Variants in CHST12 observed in about 807,000 individuals in gnomAD.
CHST12 encodes the protein carbohydrate sulfotransferase 12, also known as carbohydrate (chondroitin 4) sulfotransferase 12.
A neutral mutation model predicts 27.9 loss-of-function variants in CHST12; 23 were observed. The ratio of observed to expected loss-of-function variants is 0.82; its 90% CI spans 0.59 to 1.17. The LOEUF (loss-of-function observed/expected upper bound fraction) is 1.17. Ranked by LOEUF, CHST12 falls within the 50% of genes most tolerant of loss-of-function variation. CHST12 has a pLI of 0.00. For synonymous variants in CHST12, 322 were observed against 273.0 expected (o/e 1.18, Z -1.77); for missense variants, 682 against 603.0 (o/e 1.13, Z -1.37).
chr7:2,416,747 G>C (rs1240918053), intron 1 of CHST12, among the ~76,000 whole-genome samples: 3 of 152,202 alleles, frequency 2.0e-5, no homozygotes, highest in East Asian at 3.8e-4. Context: ...GTAGGCAGGA[G>C]GGGAAGAGGG....
At chr7:2,419,326 TGAG>T (rs1781900561) in intron 1 of CHST12, among the ~76,000 whole-genome samples, 1 of 146,164 alleles carries the variant, frequency 6.8e-6, no homozygotes, top group Non-Finnish European at 1.5e-5. Context: ...GAGGATCACT[TGAG>T]TGGGGAGGTT....
intron 1 of CHST12, among the ~76,000 whole-genome samples, chr7:2,420,827 T>C (rs1423056013): frequency 6.6e-6 from 1 of 152,194 alleles, no homozygotes; most frequent in Non-Finnish European, 1.5e-5. Context: ...TTTGGGTGTA[T>C]ACACAGAAGT....
At chr7:2,422,502 C>G (rs1782004592) in intron 1 of CHST12, among the ~76,000 whole-genome samples, 1 of 152,134 alleles carries the variant, frequency 6.6e-6, no homozygotes, top group Admixed American at 6.6e-5. Flanking sequence ...GCCTCGGCCT[C>G]CCAAGGTTCT....
intron 1 of CHST12, among the ~76,000 whole-genome samples, chr7:2,418,313 G>T (rs922053546): frequency 1.3e-5 from 2 of 152,200 alleles, no homozygotes; most frequent in African/African-American, 2.4e-5. Context: ...ATAATTTTCA[G>T]TGCCATTTAT....
intron 1 of CHST12, among the ~76,000 whole-genome samples, chr7:2,406,379 G>A (rs1039962658): frequency 7.2e-6 from 1 of 139,098 alleles, no homozygotes; most frequent in Admixed American, 7.4e-5. Context: ...TGGGGGCACA[G>A]TTGAGTATGG....
intron 1 of CHST12, among the ~76,000 whole-genome samples, chr7:2,426,864 A>G (rs191938379): frequency 6.6e-6 from 1 of 152,152 alleles, no homozygotes; most frequent in East Asian, 1.9e-4. Flanking sequence ...CAGGGTGGGC[A>G]CCTGTAATCC....
In CHST12 at chr7:2,432,929, T is replaced by C. The variant is rs1159527537; in HGVS notation, c.290T>C (p.Met97Thr). The C allele has an allele frequency of 1.9e-6, 3 of 1,612,696 alleles. No individual in the cohort carries two copies. The highest frequency in any genetic ancestry group is 2.2e-5 in the East Asian group (1 of 44,856). The change falls in exon 2 of 2, where the codon ATG (methionine) becomes ACG (threonine). Residue 97 changes from methionine to threonine, a missense_variant. Transcript: ENST00000618655. ...ETEQPPAPGS[M>T]EESVRGYDWS... ...GAGCAGCCGCCTGCGCCGGGGAGCA[T>C]GGAGGAGAGCGTGAGAGGCTACGAC...
intron 1 of CHST12, among the ~76,000 whole-genome samples, chr7:2,425,109 G>A (rs1782075826): frequency 6.6e-6 from 1 of 151,612 alleles, no homozygotes. Context: ...GGGAGGCTGA[G>A]GCAGAAAATC....
rs762617272 is a variant in CHST12 at position 2,433,113 on chromosome 7, C to A, written c.474C>A (p.Ile158=). ...DIPNSELSHL[I]VDDRHGAIYC... The stretch of plus-strand genomic sequence containing the variant: ...CCAACTCGGAGCTGAGCCACCTGAT[C>A]GTGGACGACCGGCACGGGGCCATCT... Residue 158 remains isoleucine (I), a synonymous_variant, in exon 2 of 2, where the codon ATC becomes ATA. Coordinates refer to ENST00000618655, the MANE Select transcript of CHST12 (RefSeq NM_018641.5). This position sits in a 1 kb window ranked among gnomAD's most constrained non-coding sequence, Gnocchi z 6.1. 4 of 1,612,456 alleles carry A rather than the reference C, an allele frequency of 2.5e-6. No individual in the cohort carries two copies. Among genetic ancestry groups the A allele is most frequent in the Non-Finnish European group, 3.4e-6 (4 of 1,179,418 alleles).
chr7:2,419,968 CTTTTT>C (rs869252983), intron 1 of CHST12, among the ~76,000 whole-genome samples: 6 of 81,384 alleles, frequency 7.4e-5, no homozygotes, highest in Non-Finnish European at 1.1e-4. Context: ...AAATATTTGT[CTTTTT>C]TTTTTTTTTT....
chr7:2,440,796 G>T lies in CHST12; in HGVS notation c.*6912G>T, dbSNP rs1035492970. 6.6e-6 allele frequency: 1 copy of T among 152,222 alleles called. No individual in the cohort carries two copies. The highest frequency in any genetic ancestry group is 2.4e-5 in the African/African-American group (1 of 41,470). 9.4% of individuals were successfully genotyped at this position (152,222 alleles called of 1,614,324 possible). The stretch of plus-strand genomic sequence containing the variant: ...AAAGATCTGGAGGTTGCACAATCCT[G>T]TGTCATTCTGGATTTATCTTGGGGT... On this transcript the variant is annotated 3_prime_UTR_variant, in exon 2 of 2. Transcript: ENST00000618655.
chr7:2,404,474 A>G (rs191676968), intron 1 of CHST12, among the ~76,000 whole-genome samples: 1 of 152,236 alleles, frequency 6.6e-6, no homozygotes, highest in Non-Finnish European at 1.5e-5. Context: ...CGGGGTGAAT[A>G]GGAATGTGAG....
In CHST12 at chr7:2,443,964, C is replaced by G. The variant is rs865924072; in HGVS notation, c.*10080C>G. On this transcript the variant is annotated 3_prime_UTR_variant, in exon 2 of 2. Transcript: ENST00000618655. ...GGAAGTTCAACACCAGCCTGGCCAACATGGTGAAACCCCGTCTCTATTAAA... is the reference window on the plus strand; with the variant it reads ...GGAAGTTCAACACCAGCCTGGCCAAGATGGTGAAACCCCGTCTCTATTAAA... The G allele has an allele frequency of 5.3e-5, 8 of 152,062 alleles. No individual in the cohort carries two copies. Among genetic ancestry groups the G allele is most frequent in the African/African-American group, 1.7e-4 (7 of 41,386 alleles). The allele number at this position is 152,062 out of a possible 1,614,324, so 9.4% of individuals were successfully genotyped here. A position where few individuals can be genotyped will look rare whatever the true frequency, so the allele number is the denominator to read the frequency against.
At position 2,433,379 on chromosome 7, in the gene CHST12, C is replaced by G; in HGVS notation, c.740C>G (p.Pro247Arg). The change falls in exon 2 of 2, where the codon CCC (proline) becomes CGC (arginine). Residue 247 changes from proline to arginine, a missense_variant. Coordinates refer to ENST00000618655, the MANE Select transcript of CHST12 (RefSeq NM_018641.5). The surrounding 1 kb of genome is among the most constrained non-coding windows in gnomAD (Gnocchi z 6.1). ...KYTKFLFVRD[P>R]FVRLISAFRS... Reference sequence around the variant, plus strand: ...ACCAAGTTCCTCTTCGTGCGCGACCCCTTCGTGCGCCTGATCTCCGCCTTC... The same window carrying G: ...ACCAAGTTCCTCTTCGTGCGCGACCGCTTCGTGCGCCTGATCTCCGCCTTC... The G allele has an allele frequency of 1.9e-6, 3 of 1,610,222 alleles. No homozygotes were observed. Among genetic ancestry groups the G allele is most frequent in the Non-Finnish European group, 2.5e-6 (3 of 1,179,942 alleles).
chr7:2,433,278 C>G lies in CHST12; in HGVS notation c.639C>G (p.His213Gln), dbSNP rs1260775923. 6.2e-7 allele frequency: 1 copy of G among 1,612,110 alleles called. No individual in the cohort carries two copies. The change falls in exon 2 of 2, where the codon CAC (histidine) becomes CAG (glutamine). Residue 213 changes from histidine to glutamine, a missense_variant. Transcript: ENST00000618655. The surrounding 1 kb of genome is among the most constrained non-coding windows in gnomAD (Gnocchi z 6.1). ...PREHVHNASA[H>Q]LTFNKFWRRY... ...AGCACGTGCACAACGCCAGCGCGCA[C>G]CTGACCTTCAACAAGTTCTGGCGCC...
chr7:2,443,519 G>T lies in CHST12; in HGVS notation c.*9635G>T, dbSNP rs1413897590. 6.6e-6 allele frequency: 1 copy of T among 152,198 alleles called. No homozygotes were observed. The highest frequency in any genetic ancestry group is 1.5e-5 in the Non-Finnish European group (1 of 68,038). The allele number at this position is 152,198 out of a possible 1,614,324, so 9.4% of individuals were successfully genotyped here. A position where few individuals can be genotyped will look rare whatever the true frequency, so the allele number is the denominator to read the frequency against. ...TGGGGACCGCGGCTCTGGAGTATAT[G>T]CCTAGGAGTAGGAGTGTGGGGTCAT... On this transcript the variant is annotated 3_prime_UTR_variant, in exon 2 of 2. Transcript: ENST00000618655.
chr7:2,405,524 G>A (rs913631051), intron 1 of CHST12, among the ~76,000 whole-genome samples: 1 of 152,170 alleles, frequency 6.6e-6, no homozygotes, highest in African/African-American at 2.4e-5. Context: ...TGGTGGTTTG[G>A]GTGCGACGCG....
intron 1 of CHST12, among the ~76,000 whole-genome samples, chr7:2,414,546 A>G (rs1011130742): frequency 3.9e-5 from 6 of 152,140 alleles, no homozygotes; most frequent in East Asian, 1.9e-4. Context: ...CGGCCTCCCA[A>G]AGTGCTGGGA....
chr7:2,425,752 G>T (rs1182541632), intron 1 of CHST12, among the ~76,000 whole-genome samples: 2 of 151,408 alleles, frequency 1.3e-5, no homozygotes, highest in African/African-American at 4.9e-5. Flanking sequence ...CAACTTGCAG[G>T]TCTTCTCCCA....
Sources: allele counts gnomAD v4.1 joint callset (sites outside exome capture counted in the v4.1 genomes callset), GRCh38; gene constraint gnomAD v4.1.1; non-coding constraint Gnocchi (gnomAD v3.1); transcripts MANE v1.5; gene names NCBI Gene and HGNC (gene_info 2026-07-23, HGNC 2026-07-21).